The following DEFB119 variants were observed in gnomAD, a reference collection of about 807,000 sequenced individuals.
The protein encoded by DEFB119 is defensin beta 119.
In DEFB119, 3 loss-of-function variants were observed where a neutral mutation model predicts 2.5. The ratio of observed to expected loss-of-function variants is 1.19; its 90% CI spans 0.54 to 3.07. DEFB119 has a LOEUF of 3.07. Ranked by LOEUF, DEFB119 falls within the 30% of genes most tolerant of loss-of-function variation. The probability of loss-of-function intolerance (pLI) is 0.03; values close to 1 mark genes in which losing one functional copy is unlikely to be tolerated. For missense variants in DEFB119, 113 were observed against 101.1 expected, an observed-to-expected ratio of 1.12 and a Z score of -0.50; for synonymous variants, 29 against 33.7, an observed-to-expected ratio of 0.86 and a Z score of 0.48.
chr20:31,379,799 G>A (rs1236614765), intron 1 of DEFB119, among the ~76,000 whole-genome samples: 2 of 152,018 alleles, frequency 1.3e-5, no homozygotes, highest in Non-Finnish European at 2.9e-5. Context: ...CCCAGCAGCT[G>A]GGACTACAGG....
chr20:31,378,212 T>G, intron 1 of DEFB119: 1 of 1,315,712 alleles, frequency 7.6e-7, no homozygotes, highest in East Asian at 2.3e-5. Context: ...TAGTGCAGAG[T>G]CAAGACTTTC....
At chr20:31,386,845 GCT>G (rs1334788232) in intron 1 of DEFB119, among the ~76,000 whole-genome samples, 3 of 118,684 alleles carry the variant, frequency 2.5e-5, no homozygotes, top group African/African-American at 1.0e-4. Context: ...ACGGAGTCTC[GCT>G]CTGTCGCCCA....
At chr20:31,387,033 T>C (rs1600515570) in intron 1 of DEFB119, among the ~76,000 whole-genome samples, 1 of 152,218 alleles carries the variant, frequency 6.6e-6, no homozygotes, top group East Asian at 1.9e-4. Context: ...CTCAAACTAC[T>C]GACCTCGTGG....
intron 1 of DEFB119, among the ~76,000 whole-genome samples, chr20:31,385,731 A>G (rs1568731129): frequency 6.6e-6 from 1 of 152,046 alleles, no homozygotes; most frequent in Non-Finnish European, 1.5e-5. Context: ...TTAGCCAGGC[A>G]TGGTAGCGCA....
At chr20:31,385,067 C>T (rs1227148677) in intron 1 of DEFB119, among the ~76,000 whole-genome samples, 1 of 152,320 alleles carries the variant, frequency 6.6e-6, no homozygotes, top group Middle Eastern at 3.4e-3. Flanking sequence ...AATTAACAAA[C>T]ATTTCTGCCT....
intron 1 of DEFB119, among the ~76,000 whole-genome samples, chr20:31,387,039 C>T (rs746835176): frequency 2.6e-5 from 4 of 152,012 alleles, no homozygotes; most frequent in Non-Finnish European, 5.9e-5. Flanking sequence ...CTACTGACCT[C>T]GTGGTGATCC....
intron 1 of DEFB119, chr20:31,388,977 G>A (rs866493529): frequency 1.9e-6 from 3 of 1,597,954 alleles, no homozygotes; most frequent in Non-Finnish European, 2.6e-6. Context: ...ACAAATTTGT[G>A]AGTTTTAATG....
intron 1 of DEFB119, among the ~76,000 whole-genome samples, chr20:31,379,660 ATT>A (rs35167239): frequency 0.6 from 81,572 of 137,032 alleles, 25,029 homozygotes; most frequent in East Asian, 0.73. Flanking sequence ...CACCCAACTA[ATT>A]TTTTTTTTTT....
At chr20:31,378,540 A>T (rs1986388743) in intron 1 of DEFB119, 3 of 1,313,992 alleles carry the variant, frequency 2.3e-6, no homozygotes, top group East Asian at 5.0e-5. Context: ...AAAAAAAGAC[A>T]ATCAACAGAA....
rs1986410884 is a variant in DEFB119 at position 31,379,089 on chromosome 20, C to G, written c.62-1650G>C. The stretch of plus-strand genomic sequence containing the variant: ...TGTAGCTAGGATTACAGGTGCACGC[C>G]ATCACACCCAGATAATTTTTGTATT... On this transcript the variant is annotated intron_variant, in intron 1 of 1. Transcript: ENST00000376321. 6.6e-5 allele frequency among the ~76,000 whole-genome samples: 10 copies of G among 152,028 alleles called. No individual in the cohort carries two copies. In the South Asian group the frequency reaches 2.1e-3, roughly 32 times the overall value.
At chr20:31,388,920 C>A in intron 1 of DEFB119, 7 of 1,524,310 alleles carry the variant, frequency 4.6e-6, no homozygotes, top group Non-Finnish European at 6.2e-6. Context: ...TCCCCCCACC[C>A]TCAATCCATT....
At position 31,390,489 on chromosome 20, in the gene DEFB119, G is replaced by A. The variant is rs1986893754; in HGVS notation, c.-6C>T. On this transcript the variant is annotated 5_prime_UTR_variant, in exon 1 of 2. Transcript: ENST00000376321. ...AACAGGTAAAGAAGTTTCATGGCTG[G>A]CAGACCTGAGAGGAGGAGGTGGCTG... is the stretch of plus-strand genomic sequence containing the variant. 1 of 1,613,080 alleles carries A rather than the reference G, an allele frequency of 6.2e-7. No individual in the cohort carries two copies. The highest frequency in any genetic ancestry group is 1.3e-5 in the African/African-American group (1 of 74,950).
At chr20:31,377,574 GAA>G (rs1035786933) in intron 1 of DEFB119, 135 bp from the exon 2 acceptor site, 1 of 976,824 alleles carries the variant, frequency 1.0e-6, no homozygotes, top group South Asian at 1.8e-5. Flanking sequence ...TCTACTTCCA[GAA>G]AAAAAAGAGT....
chr20:31,378,132 C>T (rs941182092), intron 1 of DEFB119, among the ~76,000 whole-genome samples: 1 of 152,214 alleles, frequency 6.6e-6, no homozygotes, highest in African/African-American at 2.4e-5. Context: ...GAAGCCTCGA[C>T]TTCCCCTATC....
intron 1 of DEFB119, among the ~76,000 whole-genome samples, chr20:31,380,557 C>T (rs932485795): frequency 1.3e-5 from 2 of 152,060 alleles, no homozygotes; most frequent in East Asian, 1.9e-4. Context: ...TGAGCCACCA[C>T]GCCTGGCGGT....
intron 1 of DEFB119, among the ~76,000 whole-genome samples, chr20:31,379,526 G>C (rs369526848): frequency 6.6e-6 from 1 of 150,768 alleles, no homozygotes; most frequent in African/African-American, 2.5e-5. Flanking sequence ...AAGAAGTCTC[G>C]CTTTGTCGCC....
chr20:31,389,615 A>T (rs1986849813), intron 1 of DEFB119, among the ~76,000 whole-genome samples: 1 of 151,722 alleles, frequency 6.6e-6, no homozygotes, highest in Non-Finnish European at 1.5e-5. Context: ...CACTCACATT[A>T]CACAGACCCT....
In DEFB119 at chr20:31,384,908, C is replaced by A. The variant is rs367919367; in HGVS notation, c.61+5515G>T. On this transcript the variant is annotated intron_variant, in intron 1 of 1. Transcript: ENST00000376321. ...AACCTGAGTCAATTCTCTCTGCCTT[C>A]TATTTTTGTAAAATATAGACACCAG... 2.0e-5 allele frequency among the ~76,000 whole-genome samples: 3 copies of A among 152,126 alleles called. No homozygotes were observed. The East Asian group carries it at 5.8e-4, about 29-fold the overall frequency.
intron 1 of DEFB119, among the ~76,000 whole-genome samples, chr20:31,389,499 T>A (rs764946927): frequency 1.3e-5 from 2 of 152,046 alleles, no homozygotes; most frequent in African/African-American, 4.8e-5. Flanking sequence ...AACTTCCTAC[T>A]CCTTACTTTG....
Sources: allele counts gnomAD v4.1 joint callset (sites outside exome capture counted in the v4.1 genomes callset), GRCh38; gene constraint gnomAD v4.1.1; transcripts MANE v1.5; gene names NCBI Gene and HGNC (gene_info 2026-07-23, HGNC 2026-07-21).